MBNL1: variants seen among roughly 807,000 people sequenced by gnomAD.
MBNL1 encodes the protein muscleblind-like protein 1.
In MBNL1, 8 loss-of-function variants were observed where a neutral mutation model predicts 42.2. The observed-to-expected ratio is 0.19, with a 90% CI of 0.11 to 0.34. MBNL1 has a LOEUF of 0.34. MBNL1 is among the 10% of genes least tolerant of loss of function. The probability of loss-of-function intolerance (pLI) is 1.00; values close to 1 mark genes in which losing one functional copy is unlikely to be tolerated. For missense variants in MBNL1, 309 were observed against 495.3 expected (o/e 0.62, Z 3.57); for synonymous variants, 169 against 173.9 (o/e 0.97, Z 0.22).
chr3:152,412,780 A>C (rs980776176), intron 2 of MBNL1, among the ~76,000 whole-genome samples: 6 of 151,882 alleles, frequency 4.0e-5, no homozygotes, highest in African/African-American at 1.5e-4. Flanking sequence ...GACCACAGTT[A>C]GTGTTGGAAG....
chr3:152,378,539 C>G (rs2097024801), intron 2 of MBNL1, among the ~76,000 whole-genome samples: 1 of 152,068 alleles, frequency 6.6e-6, no homozygotes, highest in Non-Finnish European at 1.5e-5. Context: ...AATAGCTAGA[C>G]AGCTTTTTGC....
chr3:152,249,460 G>T (rs2034057285), intron 2 of MBNL1, among the ~76,000 whole-genome samples: 1 of 102,414 alleles, frequency 9.8e-6, no homozygotes, highest in African/African-American at 3.1e-5. Flanking sequence ...CTTTTTAATG[G>T]GGTTGTTTGT....
At chr3:152,293,039 T>C (rs2056867393) in intron 1 of MBNL1, among the ~76,000 whole-genome samples, 1 of 152,212 alleles carries the variant, frequency 6.6e-6, no homozygotes, top group Non-Finnish European at 1.5e-5. Flanking sequence ...AAGTGTTGGA[T>C]TACAGGCGTG....
At chr3:152,337,710 T>G (rs2091317241) in intron 2 of MBNL1, among the ~76,000 whole-genome samples, 1 of 152,138 alleles carries the variant, frequency 6.6e-6, no homozygotes. Flanking sequence ...CTTTTTCTTT[T>G]TCCATCTTTT....
At chr3:152,438,804 CTT>C (rs1411787574) in intron 4 of MBNL1, among the ~76,000 whole-genome samples, 1 of 152,106 alleles carries the variant, frequency 6.6e-6, no homozygotes, top group Non-Finnish European at 1.5e-5. Flanking sequence ...TTTTGTGAAA[CTT>C]AATTAAAAAT....
chr3:152,414,663 A>G (rs1431976107), intron 2 of MBNL1, among the ~76,000 whole-genome samples: 1 of 152,178 alleles, frequency 6.6e-6, no homozygotes, highest in Non-Finnish European at 1.5e-5. Context: ...CAGTTTGTAG[A>G]TTTTTAAACT....
chr3:152,253,113 A>T (rs563194815), intron 2 of MBNL1, among the ~76,000 whole-genome samples: 4 of 152,134 alleles, frequency 2.6e-5, no homozygotes, highest in South Asian at 4.1e-4. Flanking sequence ...CTGGGCTCAT[A>T]CTCCACACAG....
rs140739977 is a variant in MBNL1, at chr3:152,274,662, A to T, written c.-790+5570A>T. ...TCAGCAATGGTTCCATATTTTCCAT[A>T]TGTTTATAGATAACATTCAGATATC... is the stretch of plus-strand genomic sequence containing the variant. On this transcript the variant is annotated intron_variant, in intron 1 of 9. Coordinates refer to ENST00000324210, the MANE Select transcript of MBNL1 (RefSeq NM_021038.5). 5.7e-3 allele frequency among the ~76,000 whole-genome samples: 870 copies of T among 152,250 alleles called. 8 individuals are homozygous for T. Among genetic ancestry groups the T allele is most frequent in the African/African-American group, 0.02 (830 of 41,570 alleles).
At chr3:152,426,484 G>A (rs1311075608) in intron 3 of MBNL1, among the ~76,000 whole-genome samples, 1 of 152,086 alleles carries the variant, frequency 6.6e-6, no homozygotes, top group Non-Finnish European at 1.5e-5. Context: ...CCAAAAATAG[G>A]CTGTATATCA....
chr3:152,271,631 C>T (rs2149822577), intron 1 of MBNL1, among the ~76,000 whole-genome samples: 1 of 152,060 alleles, frequency 6.6e-6, no homozygotes, highest in African/African-American at 2.4e-5. Context: ...TATGCAAAGG[C>T]ATTAGGGTGG....
intron 2 of MBNL1, among the ~76,000 whole-genome samples, chr3:152,346,012 T>G (rs1420846790): frequency 6.6e-6 from 1 of 152,128 alleles, no homozygotes; most frequent in Admixed American, 6.6e-5. Context: ...AGTGGTTATT[T>G]AGCTTCCTAT....
At chr3:152,248,700 C>A (rs996182307) in intron 2 of MBNL1, among the ~76,000 whole-genome samples, 1 of 151,768 alleles carries the variant, frequency 6.6e-6, no homozygotes, top group East Asian at 1.9e-4. Context: ...ATGTGCCATG[C>A]TGGTTTGCTG....
chr3:152,439,259 A>G (rs2099116808), intron 4 of MBNL1, among the ~76,000 whole-genome samples: 2 of 152,214 alleles, frequency 1.3e-5, no homozygotes, highest in African/African-American at 4.8e-5. Flanking sequence ...CCCATTGACT[A>G]CAAAAAATAG....
intron 1 of MBNL1, among the ~76,000 whole-genome samples, chr3:152,293,091 A>G (rs1236156669): frequency 6.6e-6 from 1 of 152,116 alleles, no homozygotes; most frequent in Non-Finnish European, 1.5e-5. Flanking sequence ...ATTAAACTTT[A>G]ATTTCTTCCT....
chr3:152,287,534 C>G (rs1301586156), intron 1 of MBNL1, among the ~76,000 whole-genome samples: 1 of 151,998 alleles, frequency 6.6e-6, no homozygotes, highest in Non-Finnish European at 1.5e-5. Flanking sequence ...TTAAAAATAA[C>G]CTGGGAAAAC....
chr3:152,459,917 A>AC (rs368958739), intron 9 of MBNL1, among the ~76,000 whole-genome samples: 30,259 of 148,322 alleles, frequency 0.2, 3,243 homozygotes, highest in South Asian at 0.28. Context: ...GGGACCATGT[A>AC]CTTACTTCAT....
intron 1 of MBNL1, among the ~76,000 whole-genome samples, chr3:152,272,359 T>TTA (rs1218678559): frequency 2.0e-5 from 3 of 152,040 alleles, no homozygotes; most frequent in African/African-American, 7.2e-5. Flanking sequence ...GAGAAAAACT[T>TTA]ATAATTAGAG....
intron 2 of MBNL1, among the ~76,000 whole-genome samples, chr3:152,380,105 G>A (rs2097117263): frequency 6.6e-6 from 1 of 152,054 alleles, no homozygotes; most frequent in African/African-American, 2.4e-5. Context: ...ACCTTGTGAT[G>A]AAGAAATTTT....
intron 2 of MBNL1, among the ~76,000 whole-genome samples, chr3:152,324,995 C>T (rs571449326): frequency 8.8e-5 from 13 of 148,206 alleles, no homozygotes; most frequent in African/African-American, 3.2e-4. Context: ...GGGTCATCTA[C>T]TGAGACTCAG....
Sources: gnomAD v4.1 joint callset for allele counts (sites outside exome capture counted in the v4.1 genomes callset) on GRCh38, gnomAD v4.1.1 for gene constraint, MANE v1.5 for transcripts, NCBI Gene and HGNC (gene_info 2026-07-23, HGNC 2026-07-21) for gene names.